CNTNAP2: variants seen among roughly 807,000 people sequenced by gnomAD.
CNTNAP2 encodes the protein contactin associated protein 2, also known as contactin-associated protein-like 2.
Under a neutral mutation model 155.2 loss-of-function variants are expected in CNTNAP2, and 98 were observed. The observed-to-expected ratio is 0.63, with a 90% CI of 0.54 to 0.75. CNTNAP2 has a LOEUF of 0.75. CNTNAP2 is among the 30% of genes least tolerant of loss of function. CNTNAP2 has a pLI of 0.00. For missense variants in CNTNAP2, 1,727 were observed against 1,688.1 expected (o/e 1.02, Z -0.40); for synonymous variants, 651 against 631.2 (o/e 1.03, Z -0.47).
At chr7:147,102,260 G>A (rs939407919) in intron 4 of CNTNAP2, among the ~76,000 whole-genome samples, 10 of 129,664 alleles carry the variant, frequency 7.7e-5, no homozygotes, top group African/African-American at 3.1e-4. Context: ...CTTGGAAGTC[G>A]CTAAATGTAG....
At chr7:147,439,129 C>T (rs1819068) in intron 10 of CNTNAP2, among the ~76,000 whole-genome samples, 101,485 of 151,760 alleles carry the variant, frequency 0.67, 35,219 homozygotes, top group African/African-American at 0.86. Context: ...TACTACTAAT[C>T]TTGTGTTTGG....
chr7:146,156,550 T>C (rs2116788332), intron 1 of CNTNAP2, among the ~76,000 whole-genome samples: 1 of 152,366 alleles, frequency 6.6e-6, no homozygotes, highest in East Asian at 1.9e-4. Flanking sequence ...TATTAAATTA[T>C]TGTTATTTAT....
At chr7:148,296,600 C>G (rs565070646) in intron 21 of CNTNAP2, among the ~76,000 whole-genome samples, 1 of 134,566 alleles carries the variant, frequency 7.4e-6, no homozygotes, top group Middle Eastern at 4.2e-3. Flanking sequence ...GTTAAAGACA[C>G]AAGCATGTCA....
At chr7:147,202,860 AT>A (rs71525994) in intron 8 of CNTNAP2, among the ~76,000 whole-genome samples, 6,176 of 144,114 alleles carry the variant, frequency 0.043, 138 homozygotes, top group South Asian at 0.054. Context: ...TTAAAAAAAA[AT>A]ATATATATAT....
intron 1 of CNTNAP2, among the ~76,000 whole-genome samples, chr7:146,425,269 T>C (rs146818833): frequency 5.8e-4 from 88 of 152,354 alleles, no homozygotes; most frequent in African/African-American, 1.8e-3. Context: ...TTATGTCATT[T>C]GTGTTTTTTG....
intron 10 of CNTNAP2, among the ~76,000 whole-genome samples, chr7:147,482,397 AATC>A (rs1226764960): frequency 6.6e-6 from 1 of 152,150 alleles, no homozygotes; most frequent in East Asian, 1.9e-4. Context: ...GAATACCTAT[AATC>A]ATCACAGGGA....
intron 1 of CNTNAP2, among the ~76,000 whole-genome samples, chr7:146,362,895 C>T (rs1263902664): frequency 2.0e-5 from 3 of 151,372 alleles, no homozygotes; most frequent in Non-Finnish European, 4.4e-5. Flanking sequence ...CTCAGCCTCC[C>T]AAGTAGCTGG....
intron 1 of CNTNAP2, among the ~76,000 whole-genome samples, chr7:146,165,439 A>G (rs113374577): frequency 0.018 from 2,723 of 152,318 alleles, 37 homozygotes; most frequent in Middle Eastern, 0.027. Context: ...AAAGACTCTT[A>G]TGACAATTGT....
chr7:148,158,082 C>T (rs1330272170), intron 17 of CNTNAP2, among the ~76,000 whole-genome samples: 7 of 152,068 alleles, frequency 4.6e-5, no homozygotes, highest in Non-Finnish European at 8.8e-5. Context: ...AAGGATAGCC[C>T]CTTCCCACTT....
chr7:148,358,941 T>G (rs898833926), intron 21 of CNTNAP2, among the ~76,000 whole-genome samples: 1 of 152,208 alleles, frequency 6.6e-6, no homozygotes, highest in African/African-American at 2.4e-5. Flanking sequence ...GAGAAAAGCA[T>G]GAGGACTCCT....
chr7:147,558,404 G>A (rs1174780415), intron 11 of CNTNAP2, among the ~76,000 whole-genome samples: 1 of 151,986 alleles, frequency 6.6e-6, no homozygotes, highest in Non-Finnish European at 1.5e-5. Context: ...CTTTTTTCAG[G>A]ATGAAATCTA....
chr7:146,379,002 A>C (rs1795343661), intron 1 of CNTNAP2, among the ~76,000 whole-genome samples: 1 of 152,240 alleles, frequency 6.6e-6, no homozygotes, highest in African/African-American at 2.4e-5. Flanking sequence ...AACAGACATG[A>C]GCCCTGCTCT....
At chr7:146,534,029 A>G (rs939493961) in intron 1 of CNTNAP2, among the ~76,000 whole-genome samples, 3 of 152,174 alleles carry the variant, frequency 2.0e-5, no homozygotes, top group African/African-American at 7.2e-5. Flanking sequence ...AAAGTTCTAC[A>G]AATGAGTCCT....
At chr7:147,175,062 A>T (rs1482472533) in intron 8 of CNTNAP2, among the ~76,000 whole-genome samples, 2 of 152,204 alleles carry the variant, frequency 1.3e-5, no homozygotes, top group African/African-American at 4.8e-5. Flanking sequence ...AGATAAAAAC[A>T]TGTATATGCC....
At chr7:146,411,590 G>A (rs2535753) in intron 1 of CNTNAP2, among the ~76,000 whole-genome samples, 67,866 of 151,778 alleles carry the variant, frequency 0.45, 18,334 homozygotes, top group African/African-American at 0.76. Flanking sequence ...CATATTGTAC[G>A]CCATAAATAT....
intron 3 of CNTNAP2, among the ~76,000 whole-genome samples, chr7:146,931,805 A>C (rs577746634): frequency 1.3e-5 from 2 of 151,734 alleles, no homozygotes; most frequent in African/African-American, 4.8e-5. Context: ...AATACTACAA[A>C]CACCTCTACG....
At chr7:146,522,876 T>C (rs2129137685) in intron 1 of CNTNAP2, among the ~76,000 whole-genome samples, 1 of 151,840 alleles carries the variant, frequency 6.6e-6, no homozygotes, top group African/African-American at 2.4e-5. Context: ...AGTCAAATTA[T>C]ACAGTTTAGA....
intron 13 of CNTNAP2, among the ~76,000 whole-genome samples, chr7:147,720,385 T>G (rs1018723086): frequency 6.6e-6 from 1 of 152,124 alleles, no homozygotes; most frequent in Non-Finnish European, 1.5e-5. Context: ...TCTGTTGTGT[T>G]GAGGATCACC....
chr7:147,631,728 G>A (rs918306999), intron 12 of CNTNAP2, among the ~76,000 whole-genome samples: 11 of 152,070 alleles, frequency 7.2e-5, no homozygotes, highest in African/African-American at 2.4e-4. Context: ...CATTAAGTGG[G>A]GAAAGGATAC....
Sources: gnomAD v4.1 joint callset for allele counts (sites outside exome capture counted in the v4.1 genomes callset) on GRCh38, gnomAD v4.1.1 for gene constraint, MANE v1.5 for transcripts, NCBI Gene and HGNC (gene_info 2026-07-23, HGNC 2026-07-21) for gene names.